The following RFESD variants were observed in gnomAD, a reference collection of about 807,000 sequenced individuals.
RFESD encodes Rieske Fe-S domain containing.
Under a neutral mutation model 24.4 loss-of-function variants are expected in RFESD, and 16 were observed. That is an observed-to-expected ratio of 0.66 (90% CI 0.44 to 1.00). The LOEUF (loss-of-function observed/expected upper bound fraction) is 1.00, where lower values mean the gene tolerates loss of function less well. Among genes scored for constraint, RFESD ranks in the 50% least tolerant of loss-of-function variants. The pLI, the probability that RFESD is intolerant of heterozygous loss-of-function variation, is 0.00. For synonymous variants in RFESD, 59 were observed against 81.8 expected (o/e 0.72, Z 1.50); for missense variants, 208 against 247.0 (o/e 0.84, Z 1.06).
Position 95,652,247 on chromosome 5 carries a change from A to G in RFESD, c.-25A>G, listed in dbSNP as rs1305539510. The G allele has an allele frequency of 1.3e-6, 2 of 1,546,022 alleles. No individual in the cohort carries two copies. The highest frequency in any genetic ancestry group is 1.7e-6 in the Non-Finnish European group (2 of 1,143,600). On this transcript the variant is annotated 5_prime_UTR_variant, in exon 2 of 6. Coordinates refer to ENST00000380005, the MANE Select transcript of RFESD (RefSeq NM_001131066.2). The stretch of plus-strand genomic sequence containing the variant: ...CACTCTACTGATCTTGCCTCTCTAC[A>G]ACCTCTCTTCCACCTGACCTCTAAA...
At chr5:95,655,162 T>C in intron 5 of RFESD, among the ~76,000 whole-genome samples, 1 of 152,200 alleles carries the variant, frequency 6.6e-6, no homozygotes, top group Non-Finnish European at 1.5e-5. Flanking sequence ...TGTGTGTTTA[T>C]TTTTTCTATT....
chr5:95,653,333 A>G, intron 3 of RFESD, 119 bp downstream of exon 3: 5 of 1,373,932 alleles, frequency 3.6e-6, no homozygotes, highest in East Asian at 5.0e-5. Flanking sequence ...ACCTTAGCCA[A>G]GAGGCTGAAG....
In RFESD at chr5:95,654,210, A is replaced by G; in HGVS notation, c.308A>G (p.Tyr103Cys). The G allele has an allele frequency of 6.2e-7, 1 of 1,613,214 alleles. No individual in the cohort carries two copies. Among genetic ancestry groups the G allele is most frequent in the Non-Finnish European group, 8.5e-7 (1 of 1,179,688 alleles). ...GTCATTTTCTACCACAAGGGAGAAT[A>G]TCATGCTATGGATATTCGCTGTTAC... ...EVVIFYHKGEYHAMDIRCYHS... is the reference protein window; with the variant it reads ...EVVIFYHKGECHAMDIRCYHS... Residue 103 changes from tyrosine to cysteine, a missense_variant, in exon 4 of 6, where the codon TAT becomes TGT. Tyr to Cys is a radical substitution (Grantham distance 194). Transcript: ENST00000380005.
chr5:95,652,425 C>T (rs1392993575), intron 2 of RFESD, 94 bp downstream of exon 2: 1 of 1,469,452 alleles, frequency 6.8e-7, no homozygotes, highest in Non-Finnish European at 9.2e-7. Flanking sequence ...GTTGACTTGA[C>T]ATCTCTACTT....
In RFESD at chr5:95,654,148, T is replaced by G; in HGVS notation, c.246T>G (p.Ser82=). 1 of 1,612,494 alleles carries G rather than the reference T, an allele frequency of 6.2e-7. No homozygotes were observed. Among genetic ancestry groups the G allele is most frequent in the Non-Finnish European group, 8.5e-7 (1 of 1,179,666 alleles). Residue 82 remains serine (S), a synonymous_variant, in exon 4 of 6, where the codon TCT becomes TCG. Transcript: ENST00000380005. ...GCAGAGAAGATGACATTAAAAAATC[T>G]GAAAGAATGACAGCTGTTGTCCATG... is the stretch of plus-strand genomic sequence containing the variant. ...CVGREDDIKK[S]ERMTAVVHDR... is the part of the protein sequence containing the mutation.
intron 5 of RFESD, 135 bp downstream of exon 5, chr5:95,654,502 G>T: frequency 1.5e-6 from 1 of 661,618 alleles, no homozygotes; most frequent in Non-Finnish European, 2.6e-6. Flanking sequence ...AGATAAATGA[G>T]AAATATGCTT....
intron 1 of RFESD, among the ~76,000 whole-genome samples, chr5:95,651,097 CAAAA>C (rs1006612798): frequency 4.8e-4 from 23 of 48,360 alleles, no homozygotes; most frequent in Non-Finnish European, 4.8e-4. Context: ...GACTCCGTCT[CAAAA>C]AAAAAAAAAA....
intron 1 of RFESD, among the ~76,000 whole-genome samples, chr5:95,649,317 G>A (rs544719254): frequency 6.6e-6 from 1 of 152,214 alleles, no homozygotes; most frequent in African/African-American, 2.4e-5. Flanking sequence ...TTGCAATTAT[G>A]TTTTTTGAAA....
At position 95,653,523 on chromosome 5, in the gene RFESD, G is replaced by C. The variant is rs145781342; in HGVS notation, c.158+309G>C. On this transcript the variant is annotated intron_variant, in intron 3 of 5. Coordinates refer to ENST00000380005, the MANE Select transcript of RFESD (RefSeq NM_001131066.2). ...TTGAAATGAATCTAATACAACTCTA[G>C]CCTCAGATTGAGGAATCCTCCCTAA... is the stretch of plus-strand genomic sequence containing the variant. Among the ~76,000 whole-genome samples the C allele has an allele frequency of 3.3e-5, 5 of 152,324 alleles. No individual in the cohort carries two copies. In the East Asian group the frequency reaches 9.6e-4, roughly 29 times the overall value.
intron 5 of RFESD, 106 bp downstream of exon 5, chr5:95,654,473 A>G: frequency 2.6e-6 from 2 of 755,010 alleles, no homozygotes; most frequent in Non-Finnish European, 4.3e-6. Context: ...TATAATTCCA[A>G]GTATTCTGGG....
chr5:95,646,786 T>A lies in RFESD; in HGVS notation c.-167T>A, dbSNP rs964495071. 1 of 152,162 alleles carries A rather than the reference T, an allele frequency of 6.6e-6. No individual in the cohort carries two copies. The highest frequency in any genetic ancestry group is 2.4e-5 in the African/African-American group (1 of 41,432). 9.4% of individuals were successfully genotyped at this position (152,162 alleles called of 1,614,324 possible). A position where few individuals can be genotyped will look rare whatever the true frequency, so the allele number is the denominator to read the frequency against. On this transcript the variant is annotated 5_prime_UTR_variant, in exon 1 of 6. Coordinates refer to ENST00000380005, the MANE Select transcript of RFESD (RefSeq NM_001131066.2). Reference sequence around the variant, plus strand: ...TGGAGCTCTGGCTCGTGCAGTAGCGTCACGCGGAGGCGGAGCGAGGACTCG... The same window carrying A: ...TGGAGCTCTGGCTCGTGCAGTAGCGACACGCGGAGGCGGAGCGAGGACTCG...
At chr5:95,648,475 G>A (rs966208771) in intron 1 of RFESD, among the ~76,000 whole-genome samples, 1 of 152,102 alleles carries the variant, frequency 6.6e-6, no homozygotes. Context: ...AGGTGAACAC[G>A]TGGGCTTTCC....
intron 3 of RFESD, 27 bp from the exon 4 acceptor site, chr5:95,654,034 T>C (rs1437658077): frequency 1.3e-6 from 2 of 1,596,018 alleles, no homozygotes; most frequent in South Asian, 2.3e-5. Flanking sequence ...ATACTTCTTG[T>C]AACTTTCCTT....
intron 1 of RFESD, among the ~76,000 whole-genome samples, chr5:95,649,804 A>G (rs11951489): frequency 0.023 from 3,550 of 152,266 alleles, 116 homozygotes; most frequent in African/African-American, 0.075. Context: ...TTACTGGCCT[A>G]TAGGAGTTCT....
intron 3 of RFESD, among the ~76,000 whole-genome samples, 192 bp from the exon 4 acceptor site, chr5:95,653,869 G>T (rs1328789784): frequency 6.6e-6 from 1 of 152,182 alleles, no homozygotes; most frequent in Non-Finnish European, 1.5e-5. Context: ...CTGCACTCCA[G>T]CCTGGGTGAC....
At chr5:95,652,471 A>G (rs964054552) in intron 2 of RFESD, 140 bp downstream of exon 2, 35 of 1,065,920 alleles carry the variant, frequency 3.3e-5, no homozygotes, top group Non-Finnish European at 4.5e-5. Context: ...CAATATGTGT[A>G]AAATATATAT....
chr5:95,653,079 T>A, intron 2 of RFESD, 38 bp from the exon 3 acceptor site: 1 of 1,549,778 alleles, frequency 6.5e-7, no homozygotes, highest in Non-Finnish European at 8.7e-7. Context: ...ACCAAGACTT[T>A]TCTTTCCTTC....
chr5:95,650,950 T>A (rs1561385189), intron 1 of RFESD, among the ~76,000 whole-genome samples: 2 of 151,794 alleles, frequency 1.3e-5, no homozygotes, highest in African/African-American at 2.4e-5. Context: ...TACAAAAAAT[T>A]ATCCGGGTGT....
chr5:95,652,430 C>G lies in RFESD; in HGVS notation c.60+99C>G, dbSNP rs192683719. ...ATATCTGGTTGTTGACTTGACATCTCTACTTGGATGTCTCTGAGATACCTT... is the reference window on the plus strand; with the variant it reads ...ATATCTGGTTGTTGACTTGACATCTGTACTTGGATGTCTCTGAGATACCTT... On this transcript the variant is annotated intron_variant, in intron 2 of 5. Transcript: ENST00000380005. The G allele has an allele frequency of 1.9e-5, 27 of 1,419,844 alleles. No individual in the cohort carries two copies. In the East Asian group the frequency reaches 4.8e-4, roughly 25 times the overall value. 88.0% of individuals were successfully genotyped at this position (1,419,844 alleles called of 1,614,324 possible). A position where few individuals can be genotyped will look rare whatever the true frequency, so the allele number is the denominator to read the frequency against.
Sources: allele counts gnomAD v4.1 joint callset (sites outside exome capture counted in the v4.1 genomes callset), GRCh38; gene constraint gnomAD v4.1.1; transcripts MANE v1.5; gene names NCBI Gene and HGNC (gene_info 2026-07-23, HGNC 2026-07-21).